SP110: variants seen among roughly 807,000 people sequenced by gnomAD.
The protein encoded by SP110 is SP110 nuclear body protein.
A neutral mutation model predicts 92.7 loss-of-function variants in SP110; 62 were observed. The ratio of observed to expected loss-of-function variants is 0.67; its 90% CI spans 0.55 to 0.83. SP110 has a LOEUF of 0.83. Ranked by LOEUF, SP110 falls within the 40% of genes least tolerant of loss-of-function variation. The pLI is 0.00. For missense variants in SP110, 793 were observed against 863.9 expected (o/e 0.92, Z 1.03); for synonymous variants, 273 against 305.3 (o/e 0.89, Z 1.10).
In SP110 at chr2:230,167,197, G is replaced by A. The variant is rs1259784940; in HGVS notation, c.*1927C>T. On this transcript the variant is annotated 3_prime_UTR_variant, in exon 19 of 19. Coordinates refer to ENST00000258381, the MANE Select transcript of SP110 (RefSeq NM_080424.4). The stretch of plus-strand genomic sequence containing the variant: ...GGCTCACTGCGACCTCTGCCTCCCA[G>A]GCTCATCCTTCCACCTCAGCCTCCT... The A allele has an allele frequency of 2.0e-5, 3 of 150,018 alleles. No homozygotes were observed. Among genetic ancestry groups the A allele is most frequent in the African/African-American group, 7.4e-5 (3 of 40,426 alleles). The allele number at this position is 150,018 out of a possible 1,614,324, so 9.3% of individuals were successfully genotyped here.
intron 8 of SP110, among the ~76,000 whole-genome samples, chr2:230,206,614 T>TAC: frequency 1.3e-5 from 1 of 75,774 alleles, no homozygotes; most frequent in East Asian, 5.0e-4. Context: ...TATATATATA[T>TAC]ATATATATAT....
At position 230,215,075 on chromosome 2, in the gene SP110, A is replaced by G. The variant is rs1385918329; in HGVS notation, c.191T>C (p.Val64Ala). 6.2e-7 allele frequency: 1 copy of G among 1,613,852 alleles called. No homozygotes were observed. The highest frequency in any genetic ancestry group is 8.5e-7 in the Non-Finnish European group (1 of 1,179,746). The change falls in exon 3 of 19, where the codon GTG becomes GCG. Residue 64 changes from valine (V) to alanine (A), a missense_variant. Val to Ala is a moderately conservative substitution (Grantham distance 64). Transcript: ENST00000258381. ...ACRNLIPVSR[V>A]VHNILTQLER... ...CAGTTGGGTGAGAATGTTGTGCACC[A>G]CTCTGGATACAGGGATCAAATTTCT...
chr2:230,217,265 A>AAAG, intron 1 of SP110, among the ~76,000 whole-genome samples: 1 of 151,286 alleles, frequency 6.6e-6, no homozygotes, highest in African/African-American at 2.4e-5. Flanking sequence ...AAAAAAAAAA[A>AAAG]TAGAAGCAAA....
Position 230,211,360 on chromosome 2 carries a change from A to T in SP110, c.751+110T>A. ...TGGGTGAACTGGAAGCTGGGCCAAG[A>T]TTGCTGAGAGGCAGGAGGAGAGCCC... On this transcript the variant is annotated intron_variant, in intron 6 of 18. Transcript: ENST00000258381. The surrounding 1 kb of genome is among the most constrained non-coding windows in gnomAD (Gnocchi z 4.2). The T allele has an allele frequency of 1.3e-6, 1 of 783,126 alleles. No homozygotes were observed. The highest frequency in any genetic ancestry group is 2.5e-5 in the East Asian group (1 of 40,624). The allele number at this position is 783,126 out of a possible 1,614,324, so 48.5% of individuals were successfully genotyped here.
intron 9 of SP110, among the ~76,000 whole-genome samples, chr2:230,201,913 A>G (rs1178629807): frequency 1.3e-5 from 2 of 152,228 alleles, no homozygotes; most frequent in African/African-American, 4.8e-5. Flanking sequence ...ATATCCACAG[A>G]TATCTCAAAA....
Position 230,202,624 on chromosome 2 carries a change from C to T in SP110, c.1003G>A (p.Ala335Thr). The change falls in exon 9 of 19, where the codon GCC becomes ACC. Residue 335 changes from alanine to threonine, a missense_variant. Transcript: ENST00000258381. ...STCNSTVETR[A>T]QKARTECARK... is the part of the protein sequence containing the mutation. ...GCACATTCAGTTCTCGCCTTTTGGG[C>T]CCTTGTCTCTACCGTGGAGTTACAA... 6.2e-7 allele frequency: 1 copy of T among 1,614,112 alleles called. No individual in the cohort carries two copies. The highest frequency in any genetic ancestry group is 1.7e-5 in the Admixed American group (1 of 60,014).
Position 230,187,616 on chromosome 2 carries a change from T to G in SP110, c.1130-1473A>C, listed in dbSNP as rs6735057. On this transcript the variant is annotated intron_variant, in intron 10 of 18. Coordinates refer to ENST00000258381, the MANE Select transcript of SP110 (RefSeq NM_080424.4). The stretch of plus-strand genomic sequence containing the variant: ...CCTAGGTTTTCTTATAGAATTTTTC[T>G]GGTTTCAGGTCTTAGGTTTAAATTT... 2.3e-3 allele frequency among the ~76,000 whole-genome samples: 345 copies of G among 152,260 alleles called. 3 individuals are homozygous for G. Among genetic ancestry groups the G allele is most frequent in the African/African-American group, 7.8e-3 (324 of 41,550 alleles).
intron 9 of SP110, among the ~76,000 whole-genome samples, chr2:230,201,962 G>A (rs542483677): frequency 8.5e-5 from 13 of 152,158 alleles, no homozygotes; most frequent in Non-Finnish European, 1.3e-4. Flanking sequence ...CTAGATATCT[G>A]TGTAAGGCCA....
chr2:230,179,762 A>G (rs1034096391), intron 12 of SP110, among the ~76,000 whole-genome samples: 1 of 151,800 alleles, frequency 6.6e-6, no homozygotes, highest in Non-Finnish European at 1.5e-5. Flanking sequence ...GCTTTAGGGA[A>G]CACAAATGTC....
intron 10 of SP110, among the ~76,000 whole-genome samples, chr2:230,199,484 T>C (rs925597521): frequency 6.6e-6 from 1 of 152,040 alleles, no homozygotes; most frequent in Non-Finnish European, 1.5e-5. Context: ...GCTGGGATTA[T>C]AGGCATGAGC....
At chr2:230,224,408 T>G (rs2046074783), upstream of SP110, among the ~76,000 whole-genome samples, 1 of 145,150 alleles carries the variant, frequency 6.9e-6, no homozygotes, top group African/African-American at 2.7e-5. Context: ...CCCAGCATAC[T>G]TTTCCTTCTT....
chr2:230,223,585 GTTGAATTATAGGCAAGAGA>G (rs1459988483), upstream of SP110, among the ~76,000 whole-genome samples: 1 of 152,180 alleles, frequency 6.6e-6, no homozygotes, highest in African/African-American at 2.4e-5. Flanking sequence ...GGCACCAGAG[GTTGAATTATAGGCAAGAGA>G]TATTCAAGGA....
rs765616523 is a variant in SP110, at chr2:230,177,573, G to A, written c.1555C>T (p.Arg519Cys). 40 of 1,613,812 alleles carry A rather than the reference G, an allele frequency of 2.5e-5. 1 individual carries two copies. Among genetic ancestry groups the A allele is most frequent in the South Asian group, 1.2e-4 (11 of 91,080 alleles). The change falls in exon 14 of 19, where the codon CGT becomes TGT. Residue 519 changes from arginine (R) to cysteine (C), a missense_variant. Arg to Cys is a radical substitution (Grantham distance 180). Transcript: ENST00000258381. Reference protein sequence around the residue: ...RNAKNWKRNIRCEGMTLGELL... With the variant: ...RNAKNWKRNICCEGMTLGELL... The stretch of plus-strand genomic sequence containing the variant: ...TCTCCTAGGGTCATTCCTTCACAAC[G>A]TATATTCCGTTTCCAGTTCTTTGCG...
At chr2:230,180,710 A>G (rs2042092872) in intron 12 of SP110, among the ~76,000 whole-genome samples, 1 of 152,210 alleles carries the variant, frequency 6.6e-6, no homozygotes, top group Non-Finnish European at 1.5e-5. Context: ...ACTGCACATC[A>G]TACAAGCAAC....
rs1450578498 is a variant in SP110, at chr2:230,169,837, TGAGG to T, written c.2029-604_2029-601del. Among the ~76,000 whole-genome samples the T allele has an allele frequency of 2.6e-5, 4 of 152,204 alleles. No individual in the cohort carries two copies. The East Asian group carries it at 7.7e-4, about 29-fold the overall frequency. ...ATGCATTTCTTGGAAGCCCACTCGC[TGAGG>T]AAGGATGACCCTCTGTTCTCCAGGA... On this transcript the variant is annotated intron_variant, in intron 18 of 18. Transcript: ENST00000258381.
At chr2:230,186,872 T>C (rs939706111) in intron 10 of SP110, among the ~76,000 whole-genome samples, 11 of 152,356 alleles carry the variant, frequency 7.2e-5, no homozygotes, top group African/African-American at 2.6e-4. Flanking sequence ...CCATGGTGTA[T>C]ATATACTACA....
intron 10 of SP110, among the ~76,000 whole-genome samples, chr2:230,193,324 T>C (rs2148803170): frequency 6.6e-6 from 1 of 152,342 alleles, no homozygotes; most frequent in East Asian, 1.9e-4. Flanking sequence ...CTGTATCTTT[T>C]AAGTGGAGCA....
At chr2:230,210,151 C>T (rs1249733969) in intron 6 of SP110, 143 bp from the exon 7 acceptor site, 2 of 737,046 alleles carry the variant, frequency 2.7e-6, no homozygotes, top group Non-Finnish European at 4.9e-6. Flanking sequence ...TTCCCTGGCT[C>T]TGTCTTGATT....
chr2:230,221,339 G>A (rs531250346), upstream of SP110, among the ~76,000 whole-genome samples: 1 of 150,904 alleles, frequency 6.6e-6, no homozygotes, highest in Admixed American at 6.6e-5. Context: ...ATTCTCAAAT[G>A]TATTTGACCC....
Sources: gnomAD v4.1 joint callset for allele counts (sites outside exome capture counted in the v4.1 genomes callset) on GRCh38, gnomAD v4.1.1 for gene constraint, Gnocchi (gnomAD v3.1) non-coding constraint, MANE v1.5 for transcripts, NCBI Gene and HGNC (gene_info 2026-07-23, HGNC 2026-07-21) for gene names.